The following SORCS2 variants were observed in gnomAD, a reference collection of about 807,000 sequenced individuals.
SORCS2 encodes VPS10 domain-containing receptor SorCS2.
A neutral mutation model predicts 141.6 loss-of-function variants in SORCS2; 100 were observed. The ratio of observed to expected loss-of-function variants is 0.71; its 90% CI spans 0.60 to 0.83. The LOEUF (loss-of-function observed/expected upper bound fraction) is 0.83. Ranked by LOEUF, SORCS2 falls within the 40% of genes least tolerant of loss-of-function variation. SORCS2 has a pLI of 0.00. For missense variants in SORCS2, 1,646 were observed against 1,560.2 expected (o/e 1.05, Z -0.93); for synonymous variants, 789 against 676.9 (o/e 1.17, Z -2.57).
chr4:7,415,646 C>G (rs1379386489), intron 2 of SORCS2, among the ~76,000 whole-genome samples: 1 of 152,192 alleles, frequency 6.6e-6, no homozygotes, highest in African/African-American at 2.4e-5. Context: ...TTTTGGGGAC[C>G]TTTATTTTGT....
At chr4:7,646,646 A>T (rs1267555245) in intron 4 of SORCS2, among the ~76,000 whole-genome samples, 1 of 152,086 alleles carries the variant, frequency 6.6e-6, no homozygotes, top group Admixed American at 6.6e-5. Flanking sequence ...TCAAACTACA[A>T]AAAAAAGACA....
chr4:7,585,620 T>A (rs1560405842), intron 3 of SORCS2, among the ~76,000 whole-genome samples: 1 of 152,242 alleles, frequency 6.6e-6, no homozygotes, highest in Non-Finnish European at 1.5e-5. Flanking sequence ...CACCATTTCA[T>A]CTTCTATCTT....
chr4:7,530,509 C>T (rs974451630), intron 2 of SORCS2, among the ~76,000 whole-genome samples: 1 of 152,224 alleles, frequency 6.6e-6, no homozygotes, highest in South Asian at 2.1e-4. Flanking sequence ...TGTGCCTCTC[C>T]CCACCTTGGG....
rs372417612 is a variant in SORCS2, at chr4:7,692,493, C to T, written c.1591+2905C>T. 1.8e-4 allele frequency among the ~76,000 whole-genome samples: 27 copies of T among 152,340 alleles called. No individual in the cohort carries two copies. In the East Asian group the frequency reaches 3.9e-3, roughly 22 times the overall value. ...GATGAGACAGGGTATGGCAGGAAAC[C>T]TTCAAGGCAGGTGTGGTCTGCCAGG... On this transcript the variant is annotated intron_variant, in intron 11 of 26. Coordinates refer to ENST00000507866, the MANE Select transcript of SORCS2 (RefSeq NM_020777.3).
chr4:7,281,961 T>C (rs956231223), intron 1 of SORCS2, among the ~76,000 whole-genome samples: 1 of 152,224 alleles, frequency 6.6e-6, no homozygotes, highest in Non-Finnish European at 1.5e-5. Context: ...CAGTGTGTGA[T>C]GGAAACTCCA....
intron 3 of SORCS2, among the ~76,000 whole-genome samples, chr4:7,577,771 G>C (rs1424524925): frequency 6.6e-6 from 1 of 150,568 alleles, no homozygotes; most frequent in Non-Finnish European, 1.5e-5. Flanking sequence ...TAGCATACAG[G>C]TGAAGTCAGC....
intron 2 of SORCS2, among the ~76,000 whole-genome samples, chr4:7,452,142 C>T (rs1191992604): frequency 6.6e-6 from 1 of 151,530 alleles, no homozygotes; most frequent in South Asian, 2.1e-4. Flanking sequence ...ATGGAAGGCT[C>T]TTCTTTTTTT....
At chr4:7,729,054 G>C (rs1429455776) in intron 22 of SORCS2, among the ~76,000 whole-genome samples, 1 of 152,190 alleles carries the variant, frequency 6.6e-6, no homozygotes, top group Non-Finnish European at 1.5e-5. Context: ...GTTGAATCAG[G>C]GTTTGCCAGA....
rs1721610548 is a variant in SORCS2, at chr4:7,654,216, A to T, written c.887+9A>T. 1 of 1,568,564 alleles carries T rather than the reference A, an allele frequency of 6.4e-7. No individual in the cohort carries two copies. The highest frequency in any genetic ancestry group is 1.3e-5 in the African/African-American group (1 of 74,208). ...AAAGACCACGTGTTCTGGTGAGAGCACTTCCCCACCCCAAACCCATGGGGC... is the reference window on the plus strand; with the variant it reads ...AAAGACCACGTGTTCTGGTGAGAGCTCTTCCCCACCCCAAACCCATGGGGC... On this transcript the variant is annotated intron_variant, in intron 5 of 26. Transcript: ENST00000507866.
chr4:7,344,021 A>C (rs1242878825), intron 1 of SORCS2, among the ~76,000 whole-genome samples: 1 of 152,192 alleles, frequency 6.6e-6, no homozygotes, highest in Non-Finnish European at 1.5e-5. Context: ...TACAGATCCA[A>C]GTTGCCCCAA....
At chr4:7,471,708 G>A (rs547178165) in intron 2 of SORCS2, among the ~76,000 whole-genome samples, 4 of 152,236 alleles carry the variant, frequency 2.6e-5, no homozygotes, top group Non-Finnish European at 2.9e-5. Context: ...AGGCAGGTGT[G>A]GAAGAGGGAC....
intron 1 of SORCS2, among the ~76,000 whole-genome samples, chr4:7,306,299 A>T (rs986190795): frequency 4.0e-5 from 6 of 148,692 alleles, no homozygotes; most frequent in African/African-American, 7.5e-5. Context: ...AGGCTTGTTG[A>T]TGGTCCGAGG....
chr4:7,286,318 G>A lies in SORCS2; in HGVS notation c.480+93192G>A, dbSNP rs1286984569. ...CTGGAGCCACCGCTGGAGAGAGCAG[G>A]CCTGTTGTGGGAGCAGCGGAAGAGC... On this transcript the variant is annotated intron_variant, in intron 1 of 26. Coordinates refer to ENST00000507866, the MANE Select transcript of SORCS2 (RefSeq NM_020777.3). The surrounding 1 kb of genome is among the most constrained non-coding windows in gnomAD (Gnocchi z 4.1). Among the ~76,000 whole-genome samples, 2 of 152,234 alleles carry A rather than the reference G, an allele frequency of 1.3e-5. No homozygotes were observed. The highest frequency in any genetic ancestry group is 4.8e-5 in the African/African-American group (2 of 41,450).
chr4:7,629,555 C>T (rs1480094236), intron 3 of SORCS2, among the ~76,000 whole-genome samples: 1 of 151,912 alleles, frequency 6.6e-6, no homozygotes, highest in Non-Finnish European at 1.5e-5. Context: ...AGCGCCCTAC[C>T]CCCCAACCCC....
At chr4:7,218,385 A>C (rs1347779836) in intron 1 of SORCS2, among the ~76,000 whole-genome samples, 1 of 152,216 alleles carries the variant, frequency 6.6e-6, no homozygotes, top group Non-Finnish European at 1.5e-5. Context: ...TTACCGTGGC[A>C]GAGACCAAAC....
At chr4:7,379,639 G>C (rs959582547) in intron 1 of SORCS2, among the ~76,000 whole-genome samples, 1 of 152,202 alleles carries the variant, frequency 6.6e-6, no homozygotes, top group African/African-American at 2.4e-5. Context: ...GCAGAGGGAT[G>C]GGTAACCTGC....
chr4:7,282,647 TG>T (rs1234381268), intron 1 of SORCS2, among the ~76,000 whole-genome samples: 3 of 152,162 alleles, frequency 2.0e-5, no homozygotes, highest in African/African-American at 7.2e-5. Context: ...GGTCTTTGGG[TG>T]GTGTCAGTCA....
In SORCS2 at chr4:7,687,515, C is replaced by T. The variant is rs532560658; in HGVS notation, c.1489-1971C>T. On this transcript the variant is annotated intron_variant, in intron 10 of 26. Coordinates refer to ENST00000507866, the MANE Select transcript of SORCS2 (RefSeq NM_020777.3). ...TGTCACTATTGGATCCAGGTGTTTC[C>T]GGAACCCTCAGATGGCTCTCCAGGG... Among the ~76,000 whole-genome samples the T allele has an allele frequency of 1.6e-4, 24 of 152,218 alleles. 2 individuals are homozygous for T. The South Asian group carries it at 2.9e-3, about 18-fold the overall frequency.
At chr4:7,591,774 G>C (rs1216953818) in intron 3 of SORCS2, among the ~76,000 whole-genome samples, 2 of 152,206 alleles carry the variant, frequency 1.3e-5, no homozygotes, top group Non-Finnish European at 2.9e-5. Flanking sequence ...CCCGGCAGAG[G>C]CCTCTGACCC....
Sources: gnomAD v4.1 joint callset for allele counts (sites outside exome capture counted in the v4.1 genomes callset) on GRCh38, gnomAD v4.1.1 for gene constraint, Gnocchi (gnomAD v3.1) non-coding constraint, MANE v1.5 for transcripts, NCBI Gene and HGNC (gene_info 2026-07-23, HGNC 2026-07-21) for gene names.